The following ZNRF1 variants were observed in gnomAD, a reference collection of about 807,000 sequenced individuals.
The protein encoded by ZNRF1 is E3 ubiquitin-protein ligase ZNRF1.
ZNRF1 carries 3 observed loss-of-function variants against 18.4 expected under a neutral mutation model. That is an observed-to-expected ratio of 0.16 (90% CI 0.07 to 0.42). ZNRF1 has a LOEUF of 0.42. ZNRF1 is among the 10% of genes least tolerant of loss of function. The probability of loss-of-function intolerance (pLI) is 0.99; values close to 1 mark genes in which losing one functional copy is unlikely to be tolerated. For missense variants in ZNRF1, 310 were observed against 329.8 expected, an observed-to-expected ratio of 0.94 and a Z score of 0.47; for synonymous variants, 157 against 144.2, an observed-to-expected ratio of 1.09 and a Z score of -0.64.
intron 1 of ZNRF1, among the ~76,000 whole-genome samples, chr16:75,014,177 A>G (rs543309823): frequency 1.3e-5 from 2 of 152,314 alleles, no homozygotes; most frequent in East Asian, 1.9e-4. Flanking sequence ...TTCAAGAAAG[A>G]TAATATGCTC....
chr16:75,073,754 G>T (rs143756185), intron 1 of ZNRF1, among the ~76,000 whole-genome samples: 22 of 152,116 alleles, frequency 1.4e-4, no homozygotes, highest in Admixed American at 9.2e-4. Flanking sequence ...TTCCCCTGGG[G>T]ATCATCTGCT....
intron 1 of ZNRF1, among the ~76,000 whole-genome samples, chr16:75,040,050 T>C (rs866986660): frequency 3.7e-5 from 2 of 54,076 alleles, no homozygotes; most frequent in African/African-American, 5.5e-5. Flanking sequence ...TTCTTTTTTT[T>C]TTTTTTTTTT....
intron 1 of ZNRF1, chr16:75,002,512 A>T (rs920422710): frequency 3.9e-5 from 6 of 152,234 alleles, no homozygotes; most frequent in African/African-American, 1.2e-4. Flanking sequence ...TCATGGGCAC[A>T]GAAAACAGTT....
rs181268822 is a variant in ZNRF1 at position 75,067,787 on chromosome 16, A to G, written c.425-25785A>G. ...AACATTAACTGGATCTGCACAGACT[A>G]TCATACACAATGGTAGACTCTAGAA... On this transcript the variant is annotated intron_variant, in intron 1 of 4. Coordinates refer to ENST00000335325, the MANE Select transcript of ZNRF1 (RefSeq NM_032268.5). Among the ~76,000 whole-genome samples the G allele has an allele frequency of 2.1e-3, 327 of 152,316 alleles. 2 individuals are homozygous for G. Among genetic ancestry groups the G allele is most frequent in the African/African-American group, 7.6e-3 (318 of 41,572 alleles).
rs1361867058 is a variant in ZNRF1 at position 75,040,673 on chromosome 16, C to G, written c.424+40578C>G. On this transcript the variant is annotated intron_variant, in intron 1 of 4. Coordinates refer to ENST00000335325, the MANE Select transcript of ZNRF1 (RefSeq NM_032268.5). The stretch of plus-strand genomic sequence containing the variant: ...CCAGGCTGGAGTGCAGTGGCGCAAT[C>G]TCGGCTCACTGCAACCTCTGCCTCC... Among the ~76,000 whole-genome samples, 7 of 122,650 alleles carry G rather than the reference C, an allele frequency of 5.7e-5. No homozygotes were observed. In the Admixed American group the frequency reaches 7.7e-4, roughly 13 times the overall value. 80.5% of individuals were successfully genotyped at this position (122,650 alleles called of 152,430 possible).
chr16:75,068,544 C>A (rs112492874), intron 1 of ZNRF1, among the ~76,000 whole-genome samples: 2 of 152,206 alleles, frequency 1.3e-5, no homozygotes, highest in African/African-American at 4.8e-5. Flanking sequence ...TTGGTTTTGC[C>A]TATTAAAGCC....
chr16:75,074,126 G>C (rs1226633363), intron 1 of ZNRF1, among the ~76,000 whole-genome samples: 3 of 152,164 alleles, frequency 2.0e-5, no homozygotes, highest in Non-Finnish European at 4.4e-5. Context: ...CCGCGTGCAT[G>C]TGTAAAACGA....
At chr16:75,057,841 A>G (rs953880542) in intron 1 of ZNRF1, among the ~76,000 whole-genome samples, 1 of 152,146 alleles carries the variant, frequency 6.6e-6, no homozygotes, top group Non-Finnish European at 1.5e-5. Context: ...GGATTTTACC[A>G]TGTTGGCCAG....
At chr16:75,050,889 C>CAA (rs1567478884) in intron 1 of ZNRF1, among the ~76,000 whole-genome samples, 6 of 27,636 alleles carry the variant, frequency 2.2e-4, no homozygotes, top group African/African-American at 5.6e-4. Context: ...AAAAAAAAAA[C>CAA]AAAAAAAAAC....
intron 1 of ZNRF1, among the ~76,000 whole-genome samples, chr16:75,054,728 C>T (rs1204406358): frequency 6.6e-6 from 1 of 152,248 alleles, no homozygotes; most frequent in Non-Finnish European, 1.5e-5. Flanking sequence ...CTTGATTTCT[C>T]CCCTGATACT....
intron 3 of ZNRF1, 126 bp from the exon 4 acceptor site, chr16:75,106,356 T>A: frequency 1.1e-6 from 1 of 889,558 alleles, no homozygotes; most frequent in Non-Finnish European, 1.8e-6. Context: ...TGACTGTGTT[T>A]CCCTGGGGTC....
At chr16:75,075,004 G>A (rs4888337) in intron 1 of ZNRF1, among the ~76,000 whole-genome samples, 129,197 of 151,718 alleles carry the variant, frequency 0.85, 55,802 homozygotes, top group Non-Finnish European at 0.93. Flanking sequence ...GGAAATGGCT[G>A]TTGAGTACTT....
intron 1 of ZNRF1, among the ~76,000 whole-genome samples, chr16:75,008,427 T>G (rs1448146825): frequency 1.3e-5 from 2 of 152,180 alleles, no homozygotes; most frequent in Non-Finnish European, 2.9e-5. Flanking sequence ...ACTTTTCTTC[T>G]TTGGCTCTGG....
At chr16:75,055,092 C>G (rs2035651832) in intron 1 of ZNRF1, among the ~76,000 whole-genome samples, 1 of 152,150 alleles carries the variant, frequency 6.6e-6, no homozygotes, top group Non-Finnish European at 1.5e-5. Context: ...AAAGAGATGG[C>G]TTTCCTCTCC....
intron 2 of ZNRF1, among the ~76,000 whole-genome samples, chr16:75,098,074 G>A (rs939881750): frequency 6.6e-5 from 10 of 152,216 alleles, no homozygotes; most frequent in African/African-American, 2.4e-4. Flanking sequence ...CTGGAGTCAG[G>A]CTGGACAGGC....
At chr16:75,035,156 C>G (rs2035361557) in intron 1 of ZNRF1, among the ~76,000 whole-genome samples, 1 of 149,648 alleles carries the variant, frequency 6.7e-6, no homozygotes, top group South Asian at 2.2e-4. Context: ...ATTCTCCTGC[C>G]TCAGCCTCCC....
intron 1 of ZNRF1, among the ~76,000 whole-genome samples, chr16:75,079,506 G>C (rs1018724486): frequency 6.6e-6 from 1 of 151,864 alleles, no homozygotes; most frequent in African/African-American, 2.4e-5. Context: ...ACCTCCTTTT[G>C]ACCCATCGGT....
At chr16:75,098,561 T>A (rs916188821) in intron 2 of ZNRF1, among the ~76,000 whole-genome samples, 3 of 151,826 alleles carry the variant, frequency 2.0e-5, no homozygotes, top group African/African-American at 7.3e-5. Context: ...CTGGCATGGG[T>A]GGCACTGCCC....
intron 1 of ZNRF1, among the ~76,000 whole-genome samples, chr16:75,075,254 C>T (rs2035924824): frequency 6.6e-6 from 1 of 152,246 alleles, no homozygotes; most frequent in African/African-American, 2.4e-5. Flanking sequence ...AAGGCCTGCC[C>T]AGGTGGCAGC....
Sources: gnomAD v4.1 joint callset for allele counts (sites outside exome capture counted in the v4.1 genomes callset) on GRCh38, gnomAD v4.1.1 for gene constraint, MANE v1.5 for transcripts, NCBI Gene and HGNC (gene_info 2026-07-23, HGNC 2026-07-21) for gene names.